The following PPP4R3A variants were observed in gnomAD, a reference collection of about 807,000 sequenced individuals.
PPP4R3A encodes the protein protein phosphatase 4 regulatory subunit 3A, also known as serine/threonine-protein phosphatase 4 regulatory subunit 3A.
PPP4R3A carries 15 observed loss-of-function variants against 91.7 expected under a neutral mutation model. That is an observed-to-expected ratio of 0.16 (90% confidence interval 0.11 to 0.25). PPP4R3A has a LOEUF of 0.25. Among genes scored for constraint, PPP4R3A ranks in the 10% least tolerant of loss-of-function variants. The pLI, the probability that PPP4R3A is intolerant of heterozygous loss-of-function variation, is 1.00. For missense variants in PPP4R3A, 623 were observed against 998.4 expected, an observed-to-expected ratio of 0.62 and a Z score of 5.07; for synonymous variants, 377 against 348.7, an observed-to-expected ratio of 1.08 and a Z score of -0.91.
intron 7 of PPP4R3A, 200 bp downstream of exon 7, chr14:91,475,611 G>A: frequency 9.1e-6 from 4 of 438,642 alleles, no homozygotes; most frequent in South Asian, 4.7e-5. Context: ...ATTTTAAAAG[G>A]CAATTTAAAT....
At chr14:91,460,617 T>G (rs1205393254) in intron 14 of PPP4R3A, among the ~76,000 whole-genome samples, 3 of 151,488 alleles carry the variant, frequency 2.0e-5, no homozygotes. Flanking sequence ...TTTTCTACAT[T>G]TTTTCTTAAG....
intron 1 of PPP4R3A, among the ~76,000 whole-genome samples, chr14:91,496,335 AAC>A (rs1268266160): frequency 6.6e-6 from 1 of 152,204 alleles, no homozygotes; most frequent in African/African-American, 2.4e-5. Flanking sequence ...AGAAGTCAGA[AAC>A]ACATAGCACA....
At chr14:91,461,687 A>G in intron 13 of PPP4R3A, 80 bp from the exon 14 acceptor site, 3 of 1,364,400 alleles carry the variant, frequency 2.2e-6, no homozygotes, top group Non-Finnish European at 3.0e-6. Context: ...ACTAAAACAC[A>G]TTTAACTAGC....
rs1391037249 is a variant in PPP4R3A at position 91,509,725 on chromosome 14, G to A, written c.-78C>T. On this transcript the variant is annotated 5_prime_UTR_variant, in exon 1 of 15. Transcript: ENST00000554943. The stretch of plus-strand genomic sequence containing the variant: ...GGGCCCTGGAGAGGCGAGGGGCGAG[G>A]CGTGAGGGCGCCCGCGAGCGGAGGG... 22 of 1,426,884 alleles carry A rather than the reference G, an allele frequency of 1.5e-5. No individual in the cohort carries two copies. Among genetic ancestry groups the A allele is most frequent in the Non-Finnish European group, 2.0e-5 (22 of 1,099,246 alleles). 88.4% of individuals were successfully genotyped at this position (1,426,884 alleles called of 1,614,324 possible).
At chr14:91,506,747 G>A (rs1566659545) in intron 1 of PPP4R3A, among the ~76,000 whole-genome samples, 1 of 151,984 alleles carries the variant, frequency 6.6e-6, no homozygotes, top group Non-Finnish European at 1.5e-5. Flanking sequence ...ATGGGGTTTC[G>A]CCATGTTGCC....
At chr14:91,462,963 A>G (rs1888250360) in intron 11 of PPP4R3A, 86 bp from the exon 12 acceptor site, 2 of 1,042,626 alleles carry the variant, frequency 1.9e-6, no homozygotes, top group Admixed American at 4.9e-5. Context: ...CATACCCACC[A>G]AAAATAGCTT....
intron 14 of PPP4R3A, among the ~76,000 whole-genome samples, chr14:91,459,148 A>AGGCTGGAGTGCAGT: frequency 6.6e-6 from 1 of 152,322 alleles, no homozygotes; most frequent in South Asian, 2.1e-4. Flanking sequence ...TATGTCACCC[A>AGGCTGGAGTGCAGT]GGCTGGAGTG....
At chr14:91,488,195 C>A (rs1191844866) in intron 2 of PPP4R3A, among the ~76,000 whole-genome samples, 2 of 135,614 alleles carry the variant, frequency 1.5e-5, no homozygotes, top group Non-Finnish European at 1.6e-5. Flanking sequence ...ATATCAAGAC[C>A]CCATCTCTAA....
Position 91,462,808 on chromosome 14 carries a change from C to T in PPP4R3A, c.1900G>A (p.Val634Ile), listed in dbSNP as rs763432828. The change falls in exon 12 of 15, where the codon GTA (valine) becomes ATA (isoleucine). Residue 634 changes from valine to isoleucine, a missense_variant. Val to Ile is a conservative substitution (Grantham distance 29). Coordinates refer to ENST00000554943, the MANE Select transcript of PPP4R3A (RefSeq NM_001366432.2). The stretch of plus-strand genomic sequence containing the variant: ...AGTTTTAATCCTTTAAATGTCTGTA[C>T]ATAATCTACATCTTCCAGTGCTTTC... ...YWKALEDVDY[V>I]QTFKGLKLRF... 1 of 1,611,596 alleles carries T rather than the reference C, an allele frequency of 6.2e-7. No homozygotes were observed. The highest frequency in any genetic ancestry group is 2.2e-5 in the East Asian group (1 of 44,782).
intron 14 of PPP4R3A, 71 bp downstream of exon 14, chr14:91,461,310 C>A: frequency 7.1e-7 from 1 of 1,416,552 alleles, no homozygotes; most frequent in Middle Eastern, 1.8e-4. Context: ...CAAAGGGAAT[C>A]TTAGTCAAAA....
At chr14:91,498,608 T>C (rs1385798912) in intron 1 of PPP4R3A, among the ~76,000 whole-genome samples, 1 of 152,044 alleles carries the variant, frequency 6.6e-6, no homozygotes, top group African/African-American at 2.4e-5. Context: ...TATGGGAGGA[T>C]CACTTAAGCC....
chr14:91,499,925 A>G (rs929889057), intron 1 of PPP4R3A, among the ~76,000 whole-genome samples: 9 of 152,090 alleles, frequency 5.9e-5, no homozygotes, highest in Non-Finnish European at 1.0e-4. Flanking sequence ...AACCCCCACC[A>G]AAACACAACA....
At chr14:91,482,298 GGTC>G in intron 3 of PPP4R3A, 105 bp from the exon 4 acceptor site, 4 of 1,279,006 alleles carry the variant, frequency 3.1e-6, no homozygotes, top group Non-Finnish European at 4.2e-6. Context: ...AACCTATAAT[GGTC>G]ATTTTCAAGA....
intron 1 of PPP4R3A, among the ~76,000 whole-genome samples, chr14:91,493,068 T>A (rs936735499): frequency 1.3e-5 from 2 of 151,638 alleles, no homozygotes; most frequent in African/African-American, 2.4e-5. Flanking sequence ...TCTGCAAACA[T>A]AAAATAACAA....
At chr14:91,498,423 T>C (rs745404486) in intron 1 of PPP4R3A, among the ~76,000 whole-genome samples, 10 of 152,248 alleles carry the variant, frequency 6.6e-5, no homozygotes, top group Non-Finnish European at 1.3e-4. Context: ...CATGCTAAGT[T>C]AGAACATTAT....
At chr14:91,479,031 A>T (rs1218751310) in intron 4 of PPP4R3A, among the ~76,000 whole-genome samples, 4 of 152,158 alleles carry the variant, frequency 2.6e-5, no homozygotes, top group Non-Finnish European at 5.9e-5. Context: ...CTCCTGTCTC[A>T]GCCTCTGGAG....
Position 91,469,209 on chromosome 14 carries a change from T to C in PPP4R3A, c.1660+1628A>G, listed in dbSNP as rs571561131. Among the ~76,000 whole-genome samples the C allele has an allele frequency of 2.0e-5, 3 of 151,856 alleles. No individual in the cohort carries two copies. In the East Asian group the frequency reaches 5.8e-4, roughly 29 times the overall value. On this transcript the variant is annotated intron_variant, in intron 10 of 14. Coordinates refer to ENST00000554943, the MANE Select transcript of PPP4R3A (RefSeq NM_001366432.2). The stretch of plus-strand genomic sequence containing the variant: ...GCTTAGCGTTCCAATAATGGAACAC[T>C]AGGCATAAATGGGTTAATTGTAAGA...
chr14:91,505,554 G>T (rs903326041), intron 1 of PPP4R3A, among the ~76,000 whole-genome samples: 1 of 151,960 alleles, frequency 6.6e-6, no homozygotes, highest in Non-Finnish European at 1.5e-5. Context: ...TTCTAAGGTG[G>T]ATGATTAACA....
At chr14:91,488,203 TAA>T (rs11310905) in intron 2 of PPP4R3A, among the ~76,000 whole-genome samples, 185 of 142,552 alleles carry the variant, frequency 1.3e-3, no homozygotes, top group African/African-American at 3.0e-3. Flanking sequence ...ACCCCATCTC[TAA>T]AAAAAAAAAA....
Sources: gnomAD v4.1 joint callset for allele counts (sites outside exome capture counted in the v4.1 genomes callset) on GRCh38, gnomAD v4.1.1 for gene constraint, MANE v1.5 for transcripts, NCBI Gene and HGNC (gene_info 2026-07-23, HGNC 2026-07-21) for gene names.